RFX2: variants seen among roughly 807,000 people sequenced by gnomAD.
RFX2 encodes DNA-binding protein RFX2.
A neutral mutation model predicts 87.8 loss-of-function variants in RFX2; 20 were observed. That is an observed-to-expected ratio of 0.23 (90% CI 0.16 to 0.33). The LOEUF is 0.33. Among genes scored for constraint, RFX2 ranks in the 10% least tolerant of loss-of-function variants. The pLI is 1.00. For missense variants in RFX2, 767 were observed against 1,012.3 expected (o/e 0.76, Z 3.29); for synonymous variants, 397 against 431.3 (o/e 0.92, Z 0.98).
intron 1 of RFX2, among the ~76,000 whole-genome samples, chr19:6,090,089 G>A (rs567591882): frequency 6.6e-6 from 1 of 152,140 alleles, no homozygotes; most frequent in African/African-American, 2.4e-5. Flanking sequence ...ACCCTCTGGA[G>A]TAGTTGAGAC....
Position 6,044,512 on chromosome 19 carries a change from T to G in RFX2, c.91-230A>C, listed in dbSNP as rs2087160199. Among the ~76,000 whole-genome samples the G allele has an allele frequency of 6.6e-6, 1 of 152,194 alleles. No individual in the cohort carries two copies. Among genetic ancestry groups the G allele is most frequent in the Non-Finnish European group, 1.5e-5 (1 of 68,038 alleles). On this transcript the variant is annotated intron_variant, in intron 2 of 17. Coordinates refer to ENST00000303657, the MANE Select transcript of RFX2 (RefSeq NM_000635.4). The surrounding 1 kb of genome is among the most constrained non-coding windows in gnomAD (Gnocchi z 5.3). ...CAAACAATGCACATACATACACAAG[T>G]GTGCACATACACTCAGCCCATGCAC...
intron 5 of RFX2, among the ~76,000 whole-genome samples, chr19:6,035,739 C>T (rs143759371): frequency 2.0e-3 from 298 of 152,184 alleles, no homozygotes; most frequent in Middle Eastern, 3.4e-3. Context: ...CTGTGGCATC[C>T]TTGTTGGATG....
intron 1 of RFX2, among the ~76,000 whole-genome samples, chr19:6,093,421 G>C (rs1323464183): frequency 1.6e-4 from 24 of 152,160 alleles, no homozygotes; most frequent in Admixed American, 1.1e-3. Context: ...TGTAATCCCA[G>C]CTACTCTGGA....
At position 5,997,290 on chromosome 19, in the gene RFX2, C is replaced by T; in HGVS notation, c.1860-77G>A. 2.1e-6 allele frequency: 3 copies of T among 1,431,272 alleles called. No homozygotes were observed. Among genetic ancestry groups the T allele is most frequent in the Non-Finnish European group, 2.8e-6 (3 of 1,071,586 alleles). The allele number at this position is 1,431,272 out of a possible 1,614,324, so 88.7% of individuals were successfully genotyped here. A position where few individuals can be genotyped will look rare whatever the true frequency, so the allele number is the denominator to read the frequency against. ...GGCCCCAGGCCAGACTTCATGGCAG[C>T]AACACACCCCCTGCTCTACGTTCCC... On this transcript the variant is annotated intron_variant, in intron 15 of 17. Coordinates refer to ENST00000303657, the MANE Select transcript of RFX2 (RefSeq NM_000635.4). This position sits in a 1 kb window ranked among gnomAD's most constrained non-coding sequence, Gnocchi z 4.2.
At chr19:6,042,889 G>A (rs747196916) in intron 3 of RFX2, among the ~76,000 whole-genome samples, 2 of 152,242 alleles carry the variant, frequency 1.3e-5, no homozygotes, top group Non-Finnish European at 2.9e-5. Flanking sequence ...CTTAGTGGCT[G>A]TCTACATCCA....
intron 1 of RFX2, chr19:6,073,055 C>T: frequency 2.1e-6 from 1 of 470,442 alleles, no homozygotes; most frequent in Non-Finnish European, 3.9e-6. Context: ...TCTCAGCTCA[C>T]TGCAACCTCC....
intron 1 of RFX2, among the ~76,000 whole-genome samples, chr19:6,055,954 G>A (rs2087332441): frequency 6.6e-6 from 1 of 151,902 alleles, no homozygotes; most frequent in African/African-American, 2.4e-5. Flanking sequence ...AAGAAGTTGA[G>A]TCCAAAAGAG....
chr19:6,099,986 A>G (rs1356581155), intron 1 of RFX2, among the ~76,000 whole-genome samples: 2 of 152,210 alleles, frequency 1.3e-5, no homozygotes, highest in African/African-American at 4.8e-5. Context: ...AGTCTCCCCA[A>G]CCAAGAATAA....
In RFX2 at chr19:6,039,964, A is replaced by G. The variant is rs932794203; in HGVS notation, c.522+16T>C. ...CTCATGGCCTACCCTGCTGGTCCCAAGAGCCTCCTACATACCGTGGCGGGC... is the reference window on the plus strand; with the variant it reads ...CTCATGGCCTACCCTGCTGGTCCCAGGAGCCTCCTACATACCGTGGCGGGC... On this transcript the variant is annotated intron_variant, in intron 5 of 17. Coordinates refer to ENST00000303657, the MANE Select transcript of RFX2 (RefSeq NM_000635.4). This position sits in a 1 kb window ranked among gnomAD's most constrained non-coding sequence, Gnocchi z 5.2. 1.3e-6 allele frequency: 2 copies of G among 1,542,102 alleles called. No individual in the cohort carries two copies. Among genetic ancestry groups the G allele is most frequent in the South Asian group, 2.3e-5 (2 of 85,192 alleles).
At chr19:6,057,540 T>C (rs1411900079) in intron 1 of RFX2, among the ~76,000 whole-genome samples, 3 of 152,176 alleles carry the variant, frequency 2.0e-5, no homozygotes, top group African/African-American at 7.2e-5. Context: ...TGTTTTGTCA[T>C]CTTTGGTGAT....
rs2086645064 is a variant in RFX2 at position 6,010,349 on chromosome 19, T to C, written c.900-98A>G. The C allele has an allele frequency of 1.3e-6, 1 of 755,110 alleles. No homozygotes were observed. The highest frequency in any genetic ancestry group is 2.2e-6 in the Non-Finnish European group (1 of 446,146). The allele number at this position is 755,110 out of a possible 1,614,324, so 46.8% of individuals were successfully genotyped here. On this transcript the variant is annotated intron_variant, in intron 8 of 17. Coordinates refer to ENST00000303657, the MANE Select transcript of RFX2 (RefSeq NM_000635.4). This position sits in a 1 kb window ranked among gnomAD's most constrained non-coding sequence, Gnocchi z 5.0. ...TGGGCAGGATTCAGTCAGGCATGTG[T>C]GTGTGATGTTTACAAGTTGCGGTCA...
At chr19:6,019,013 C>T (rs1183114216) in intron 6 of RFX2, among the ~76,000 whole-genome samples, 4 of 152,060 alleles carry the variant, frequency 2.6e-5, no homozygotes, top group Non-Finnish European at 5.9e-5. Flanking sequence ...ACAAAGTCTG[C>T]CTCCTGCCGC....
chr19:6,075,272 TGGAGGA>T (rs763598849), intron 1 of RFX2, among the ~76,000 whole-genome samples: 27 of 149,286 alleles, frequency 1.8e-4, no homozygotes, highest in Non-Finnish European at 2.7e-4. Flanking sequence ...GAGGAGAAGG[TGGAGGA>T]GGAGGAGGAG....
rs1444258460 is a variant in RFX2, at chr19:6,045,615, A to C, written c.91-1333T>G. 6.6e-6 allele frequency among the ~76,000 whole-genome samples: 1 copy of C among 152,206 alleles called. No homozygotes were observed. The highest frequency in any genetic ancestry group is 1.5e-5 in the Non-Finnish European group (1 of 68,038). ...TGTCTGACCATACACACTACATCAA[A>C]TAAACCGCTTCACTGTCTGCCTTTT... is the stretch of plus-strand genomic sequence containing the variant. On this transcript the variant is annotated intron_variant, in intron 2 of 17. Coordinates refer to ENST00000303657, the MANE Select transcript of RFX2 (RefSeq NM_000635.4). This position sits in a 1 kb window ranked among gnomAD's most constrained non-coding sequence, Gnocchi z 5.2.
In RFX2 at chr19:5,997,396, G is replaced by A. The variant is rs1019352637; in HGVS notation, c.1860-183C>T. On this transcript the variant is annotated intron_variant, in intron 15 of 17. Transcript: ENST00000303657. This position sits in a 1 kb window ranked among gnomAD's most constrained non-coding sequence, Gnocchi z 4.2. ...CGGGCTGCCGAGACCCTGGGCCCAC[G>A]TGACGGACAGGTGGGGCCGGCCTGC... 3.8e-5 allele frequency: 25 copies of A among 660,830 alleles called. No homozygotes were observed. In the East Asian group the frequency reaches 5.8e-4, roughly 15 times the overall value. The allele number at this position is 660,830 out of a possible 1,614,324, so 40.9% of individuals were successfully genotyped here. A position where few individuals can be genotyped will look rare whatever the true frequency, so the allele number is the denominator to read the frequency against.
intron 1 of RFX2, among the ~76,000 whole-genome samples, chr19:6,085,578 T>G (rs2087845573): frequency 6.6e-6 from 1 of 152,242 alleles, no homozygotes; most frequent in African/African-American, 2.4e-5. Flanking sequence ...TTTACTCTGT[T>G]GCTACTGTTC....
intron 1 of RFX2, among the ~76,000 whole-genome samples, chr19:6,099,557 A>G (rs1212705002): frequency 6.6e-6 from 1 of 151,820 alleles, no homozygotes; most frequent in Non-Finnish European, 1.5e-5. Context: ...ATCTTGATGT[A>G]GGCCTTGCCG....
intron 9 of RFX2, among the ~76,000 whole-genome samples, chr19:6,008,940 A>G (rs549874578): frequency 6.6e-6 from 1 of 152,232 alleles, no homozygotes; most frequent in African/African-American, 2.4e-5. Context: ...TTGGCTTCTC[A>G]AAGTGCTGGG....
intron 9 of RFX2, among the ~76,000 whole-genome samples, chr19:6,009,294 A>T (rs888783234): frequency 1.3e-5 from 2 of 152,188 alleles, no homozygotes; most frequent in African/African-American, 4.8e-5. Flanking sequence ...TACAGAGCCC[A>T]CCTGAATCAT....
Sources: allele counts gnomAD v4.1 joint callset (sites outside exome capture counted in the v4.1 genomes callset), GRCh38; gene constraint gnomAD v4.1.1; non-coding constraint Gnocchi (gnomAD v3.1); transcripts MANE v1.5; gene names NCBI Gene and HGNC (gene_info 2026-07-23, HGNC 2026-07-21).